Variants in SIDT1 observed in about 807,000 individuals in gnomAD.
SIDT1 encodes the protein SID1 transmembrane family, member 1.
A neutral mutation model predicts 107.5 loss-of-function variants in SIDT1; 101 were observed. The observed-to-expected ratio is 0.94, with a 90% CI of 0.80 to 1.11. The LOEUF is 1.11. Among genes scored for constraint, SIDT1 ranks in the 50% least tolerant of loss-of-function variants. SIDT1 has a pLI of 0.00. For missense variants in SIDT1, 1,076 were observed against 1,058.2 expected (o/e 1.02, Z -0.23); for synonymous variants, 395 against 398.2 (o/e 0.99, Z 0.10).
intron 6 of SIDT1, among the ~76,000 whole-genome samples, 196 bp from the exon 7 acceptor site, chr3:113,583,213 G>T (rs549787680): frequency 9.2e-5 from 14 of 152,188 alleles, no homozygotes; most frequent in African/African-American, 3.4e-4. Flanking sequence ...TTAATTTCTT[G>T]GATGTAACAA....
chr3:113,581,035 T>G (rs1446446575), intron 5 of SIDT1, among the ~76,000 whole-genome samples: 1 of 152,214 alleles, frequency 6.6e-6, no homozygotes, highest in Non-Finnish European at 1.5e-5. Flanking sequence ...CCCTACCATT[T>G]GTTCTGCTTT....
intron 1 of SIDT1, 115 bp from the exon 2 acceptor site, chr3:113,566,305 C>A: frequency 9.5e-7 from 1 of 1,049,368 alleles, no homozygotes; most frequent in Admixed American, 2.5e-5. Flanking sequence ...CTGAGCCTCA[C>A]ATGGCAACTA....
Position 113,614,961 on chromosome 3 carries a change from A to G in SIDT1, c.1967-1139A>G, listed in dbSNP as rs1003068592. ...TCAGAAAGCAAAATTAAAGTCATCC[A>G]TCTTGAGAAAAAATAAAATGACCAG... On this transcript the variant is annotated intron_variant, in intron 19 of 24. Transcript: ENST00000264852. 5.5e-6 allele frequency: 7 copies of G among 1,261,762 alleles called. No homozygotes were observed. In the African/African-American group the frequency reaches 8.9e-5, roughly 16 times the overall value. 78.2% of individuals were successfully genotyped at this position (1,261,762 alleles called of 1,614,324 possible).
At chr3:113,635,660 A>C in the SIDT1 span, among the ~76,000 whole-genome samples, 3 of 152,140 alleles carry the variant, frequency 2.0e-5, no homozygotes, top group Non-Finnish European at 2.9e-5. Flanking sequence ...AGATCAGGAG[A>C]TCAAGACCAT....
intron 1 of SIDT1, among the ~76,000 whole-genome samples, chr3:113,566,152 A>G (rs1174048562): frequency 6.6e-6 from 1 of 152,218 alleles, no homozygotes; most frequent in Admixed American, 6.5e-5. Flanking sequence ...GGATTTAGGC[A>G]TCATTTTAAA....
intron 7 of SIDT1, 81 bp from the exon 8 acceptor site, chr3:113,584,617 A>G: frequency 3.3e-6 from 3 of 899,168 alleles, no homozygotes; most frequent in South Asian, 3.0e-5. Context: ...CATTTTTTGA[A>G]CAACAGTTCA....
intron 1 of SIDT1, among the ~76,000 whole-genome samples, chr3:113,557,009 G>A (rs932083684): frequency 8.7e-5 from 13 of 150,268 alleles, no homozygotes; most frequent in East Asian, 1.9e-4. Flanking sequence ...TAGTAGAGGC[G>A]GGTTTCACCA....
At chr3:113,619,276 A>G (rs895596667) in intron 20 of SIDT1, among the ~76,000 whole-genome samples, 1 of 152,206 alleles carries the variant, frequency 6.6e-6, no homozygotes, top group African/African-American at 2.4e-5. Flanking sequence ...GAGAGTTGCA[A>G]TAGTGGCTAC....
chr3:113,580,799 C>T (rs748345317), intron 5 of SIDT1, 90 bp downstream of exon 5: 3 of 829,206 alleles, frequency 3.6e-6, no homozygotes, highest in African/African-American at 1.7e-5. Flanking sequence ...ATGCCATCCT[C>T]TTACTGTGTA....
chr3:113,607,757 G>A (rs981842665), intron 15 of SIDT1, among the ~76,000 whole-genome samples: 2 of 152,180 alleles, frequency 1.3e-5, no homozygotes, highest in Non-Finnish European at 1.5e-5. Flanking sequence ...TCACTCTCAC[G>A]GTGTAGCTGA....
intron 13 of SIDT1, 139 bp from the exon 14 acceptor site, chr3:113,604,771 G>A (rs964335916): frequency 1.1e-6 from 1 of 874,652 alleles, no homozygotes. Flanking sequence ...GGAGAAACAA[G>A]AACCACATAA....
At chr3:113,605,856 A>G (rs1351032803) in intron 14 of SIDT1, among the ~76,000 whole-genome samples, 1 of 151,954 alleles carries the variant, frequency 6.6e-6, no homozygotes, top group Non-Finnish European at 1.5e-5. Context: ...ATACAAAAAA[A>G]TTAGCTGAGT....
Position 113,626,224 on chromosome 3 carries a change from ATATC to A in SIDT1, c.2421+15_2421+18del, listed in dbSNP as rs1193670735. The A allele has an allele frequency of 1.3e-5, 20 of 1,565,022 alleles. No individual in the cohort carries two copies. The highest frequency in any genetic ancestry group is 1.8e-5 in the Non-Finnish European group (20 of 1,135,628). On this transcript the variant is annotated intron_variant, in intron 24 of 24. Coordinates refer to ENST00000264852, the MANE Select transcript of SIDT1 (RefSeq NM_017699.3). ...TGTTTTTCTCATTCTTGGTGAGTTC[ATATC>A]TATCTTTTTGTGACTTTCTTCTCTC...
At chr3:113,591,876 AT>A (rs758884143) in intron 9 of SIDT1, among the ~76,000 whole-genome samples, 10 of 152,242 alleles carry the variant, frequency 6.6e-5, no homozygotes, top group African/African-American at 9.6e-5. Context: ...GATAGCCAAA[AT>A]GTGAAAACAA....
Position 113,600,874 on chromosome 3 carries a change from G to A in SIDT1, c.1046-714G>A, listed in dbSNP as rs75123740. 4.0e-3 allele frequency among the ~76,000 whole-genome samples: 602 copies of A among 152,296 alleles called. 8 individuals carry two copies. The highest frequency in any genetic ancestry group is 0.014 in the African/African-American group (582 of 41,558). ...TCCCTAAATAAGAAGAAATTTATGA[G>A]GGGATCTCCAAGCCTAGTAACAGTG... On this transcript the variant is annotated intron_variant, in intron 10 of 24. Transcript: ENST00000264852.
chr3:113,533,091 C>G lies in SIDT1; in HGVS notation c.70C>G (p.His24Asp), dbSNP rs1198574216. 1.3e-6 allele frequency: 2 copies of G among 1,516,926 alleles called. No homozygotes were observed. The highest frequency in any genetic ancestry group is 4.3e-5 in the Admixed American group (2 of 46,424). The allele number at this position is 1,516,926 out of a possible 1,614,324, so 94.0% of individuals were successfully genotyped here. A position where few individuals can be genotyped will look rare whatever the true frequency, so the allele number is the denominator to read the frequency against. Residue 24 changes from histidine to aspartate, a missense_variant, in exon 1 of 25, where the codon CAC becomes GAC. His to Asp is a moderately conservative substitution (Grantham distance 81). Transcript: ENST00000264852. Reference protein sequence around the residue: ...PWLLLAASPGHPAKSPRQPPA... With the variant: ...PWLLLAASPGDPAKSPRQPPA... ...GCTCCTGCTGGCGGCGTCGCCCGGG[C>G]ACCCGGCGAAATCCCCCAGGCAGCC...
chr3:113,554,849 G>C (rs981399067), intron 1 of SIDT1, among the ~76,000 whole-genome samples: 17 of 151,880 alleles, frequency 1.1e-4, no homozygotes, highest in Non-Finnish European at 4.4e-5. Context: ...TGGGCATGTG[G>C]CCAAGGTGCT....
At chr3:113,582,768 A>G (rs73853729) in intron 6 of SIDT1, among the ~76,000 whole-genome samples, 3,493 of 152,250 alleles carry the variant, frequency 0.023, 100 homozygotes, top group African/African-American at 0.071. Flanking sequence ...AATGATTTAC[A>G]GCTATGCCTG....
intron 3 of SIDT1, among the ~76,000 whole-genome samples, chr3:113,569,759 G>A (rs1942269261): frequency 6.6e-6 from 1 of 152,178 alleles, no homozygotes; most frequent in African/African-American, 2.4e-5. Context: ...TGGTGAATAA[G>A]ATCCACCCAG....
Sources: gnomAD v4.1 joint callset for allele counts (sites outside exome capture counted in the v4.1 genomes callset) on GRCh38, gnomAD v4.1.1 for gene constraint, MANE v1.5 for transcripts, NCBI Gene and HGNC (gene_info 2026-07-23, HGNC 2026-07-21) for gene names.